Variants in ADAMTS19 observed in about 807,000 individuals in gnomAD.
ADAMTS19 encodes the protein ADAM metallopeptidase with thrombospondin type 1 motif 19.
A neutral mutation model predicts 153.3 loss-of-function variants in ADAMTS19; 93 were observed. The observed-to-expected ratio is 0.61, with a 90% CI of 0.51 to 0.72. The LOEUF (loss-of-function observed/expected upper bound fraction) is 0.72, where lower values mean the gene tolerates loss of function less well. Ranked by LOEUF, ADAMTS19 falls within the 30% of genes least tolerant of loss-of-function variation. ADAMTS19 has a pLI of 0.00. For synonymous variants in ADAMTS19, 600 were observed against 556.6 expected (o/e 1.08, Z -1.10); for missense variants, 1,482 against 1,552.1 (o/e 0.95, Z 0.76).
chr5:129,464,319 G>A (rs1466763436), intron 2 of ADAMTS19, among the ~76,000 whole-genome samples: 1 of 152,158 alleles, frequency 6.6e-6, no homozygotes, highest in Non-Finnish European at 1.5e-5. Context: ...CTGTGATCCT[G>A]TAATTCTAAT....
At chr5:129,507,320 G>A (rs1371746701) in intron 2 of ADAMTS19, among the ~76,000 whole-genome samples, 1 of 151,968 alleles carries the variant, frequency 6.6e-6, no homozygotes, top group Non-Finnish European at 1.5e-5. Context: ...TCAATAATGT[G>A]TAACACAACA....
intron 8 of ADAMTS19, among the ~76,000 whole-genome samples, chr5:129,604,516 C>T (rs947986329): frequency 6.6e-6 from 1 of 152,038 alleles, no homozygotes; most frequent in Non-Finnish European, 1.5e-5. Flanking sequence ...GGTGAGGAAC[C>T]ATATCTGTTT....
At chr5:129,526,481 G>C (rs2126762701) in intron 4 of ADAMTS19, 25 bp downstream of exon 4, 2 of 1,567,058 alleles carry the variant, frequency 1.3e-6, no homozygotes, top group Admixed American at 4.2e-5. Context: ...AAGTGCGCTT[G>C]GAATTTTTTC....
chr5:129,670,540 C>T (rs531125311), intron 16 of ADAMTS19, among the ~76,000 whole-genome samples: 21 of 152,200 alleles, frequency 1.4e-4, no homozygotes, highest in African/African-American at 4.8e-4. Context: ...GATTTGAACC[C>T]GAGGCATCTG....
At chr5:129,694,679 A>G (rs1257769376) in intron 18 of ADAMTS19, 41 bp from the exon 19 acceptor site, 5 of 1,424,446 alleles carry the variant, frequency 3.5e-6, no homozygotes, top group Non-Finnish European at 4.6e-6. Flanking sequence ...CATTACATAA[A>G]GGCTTATAAT....
intron 14 of ADAMTS19, among the ~76,000 whole-genome samples, 192 bp downstream of exon 14, chr5:129,654,625 T>C (rs1394731592): frequency 5.9e-5 from 9 of 152,100 alleles, no homozygotes; most frequent in South Asian, 2.1e-4. Context: ...TAATAATGGG[T>C]TTGACTTGGT....
rs767291007 is a variant in ADAMTS19, at chr5:129,468,449, G to A, written c.747+6692G>A. On this transcript the variant is annotated intron_variant, in intron 2 of 22. Coordinates refer to ENST00000274487, the MANE Select transcript of ADAMTS19 (RefSeq NM_133638.6). ...GCTCACTGCAGCTTCTGCCTCCCGG[G>A]TTCAAGCAATTCTCCTGCCTCAGCC... Among the ~76,000 whole-genome samples, 11 of 152,274 alleles carry A rather than the reference G, an allele frequency of 7.2e-5. No individual in the cohort carries two copies. The East Asian group carries it at 1.4e-3, about 19-fold the overall frequency.
chr5:129,645,374 G>A (rs953962159), intron 11 of ADAMTS19, among the ~76,000 whole-genome samples: 1 of 152,052 alleles, frequency 6.6e-6, no homozygotes, highest in African/African-American at 2.4e-5. Flanking sequence ...TTGTATAATA[G>A]TTTAAACAAA....
chr5:129,723,523 A>G (rs1757088778), intron 21 of ADAMTS19, among the ~76,000 whole-genome samples: 1 of 152,200 alleles, frequency 6.6e-6, no homozygotes, highest in African/African-American at 2.4e-5. Context: ...TTCTCTAATC[A>G]TTTTGAGAGT....
At chr5:129,622,111 A>G in intron 9 of ADAMTS19, 87 bp from the exon 10 acceptor site, 1 of 1,321,748 alleles carries the variant, frequency 7.6e-7, no homozygotes, top group East Asian at 2.4e-5. Context: ...TTTTGATATT[A>G]TTAAAGTGTT....
chr5:129,703,501 G>C (rs983740182), intron 20 of ADAMTS19, among the ~76,000 whole-genome samples: 2 of 152,160 alleles, frequency 1.3e-5, no homozygotes, highest in Non-Finnish European at 2.9e-5. Context: ...GGGAGGCCAA[G>C]GTGGGTGGAC....
chr5:129,643,417 T>G (rs1752914463), intron 11 of ADAMTS19, among the ~76,000 whole-genome samples: 1 of 139,862 alleles, frequency 7.1e-6, no homozygotes, highest in African/African-American at 2.6e-5. Context: ...AACACAAAAC[T>G]CCAAAGTGTA....
At chr5:129,501,492 T>G (rs545920447) in intron 2 of ADAMTS19, among the ~76,000 whole-genome samples, 1 of 152,188 alleles carries the variant, frequency 6.6e-6, no homozygotes. Context: ...TGAGGTGTTA[T>G]GCTTGACGTC....
intron 2 of ADAMTS19, among the ~76,000 whole-genome samples, chr5:129,481,261 G>GA (rs1261240015): frequency 6.6e-5 from 10 of 152,176 alleles, no homozygotes; most frequent in South Asian, 2.1e-4. Flanking sequence ...CAGAGAGTGC[G>GA]AGAGTGCAAG....
chr5:129,611,188 G>T (rs1244061518), intron 8 of ADAMTS19, among the ~76,000 whole-genome samples: 1 of 148,696 alleles, frequency 6.7e-6, no homozygotes, highest in Non-Finnish European at 1.5e-5. Flanking sequence ...CTGGATATTA[G>T]CCCTTTGTCA....
intron 21 of ADAMTS19, among the ~76,000 whole-genome samples, chr5:129,722,287 A>C (rs143152603): frequency 0.013 from 1,953 of 152,118 alleles, 36 homozygotes; most frequent in African/African-American, 0.043. Flanking sequence ...TTTAATAATC[A>C]CCATTCTGAC....
chr5:129,642,734 G>T (rs1285455782), intron 11 of ADAMTS19, among the ~76,000 whole-genome samples: 8 of 152,182 alleles, frequency 5.3e-5, no homozygotes, highest in Admixed American at 5.2e-4. Context: ...AAAATAAATA[G>T]CAACGTAAAG....
chr5:129,581,208 T>C (rs1749499099), intron 7 of ADAMTS19, among the ~76,000 whole-genome samples: 1 of 152,052 alleles, frequency 6.6e-6, no homozygotes, highest in Admixed American at 6.5e-5. Flanking sequence ...CTAGATTTTC[T>C]AGTTTATTTG....
At position 129,679,755 on chromosome 5, in the gene ADAMTS19, T is replaced by C. The variant is rs746371655; in HGVS notation, c.2507-9T>C. The C allele has an allele frequency of 6.3e-7, 1 of 1,585,598 alleles. No individual in the cohort carries two copies. The highest frequency in any genetic ancestry group is 8.6e-7 in the Non-Finnish European group (1 of 1,167,634). The stretch of plus-strand genomic sequence containing the variant: ...TTAATACTCATTATATTTTTGAACC[T>C]CTTTATAGCTCTCCGAGATGCTGGC... On this transcript the variant is annotated splice_polypyrimidine_tract_variant and intron_variant, in intron 16 of 22. Coordinates refer to ENST00000274487, the MANE Select transcript of ADAMTS19 (RefSeq NM_133638.6).
Sources: allele counts gnomAD v4.1 joint callset (sites outside exome capture counted in the v4.1 genomes callset), GRCh38; gene constraint gnomAD v4.1.1; transcripts MANE v1.5; gene names NCBI Gene and HGNC (gene_info 2026-07-23, HGNC 2026-07-21).